The following MDN1 variants were observed in gnomAD, a reference collection of about 807,000 sequenced individuals.
MDN1 encodes the protein midasin AAA ATPase 1, also known as midasin.
A neutral mutation model predicts 669.2 loss-of-function variants in MDN1; 266 were observed. The ratio of observed to expected loss-of-function variants is 0.40; its 90% confidence interval spans 0.36 to 0.44. The LOEUF is 0.44. Ranked by LOEUF, MDN1 falls within the 20% of genes least tolerant of loss-of-function variation. MDN1 has a pLI of 1.00. For synonymous variants in MDN1, 2,385 were observed against 2,457.1 expected (o/e 0.97, Z 0.87); for missense variants, 5,940 against 6,754.0 (o/e 0.88, Z 4.22).
chr6:89,674,023 C>T, intron 79 of MDN1, 81 bp downstream of exon 79: 1 of 1,547,766 alleles, frequency 6.5e-7, no homozygotes, highest in Non-Finnish European at 8.7e-7. Flanking sequence ...TGTTCACACC[C>T]TTCCCTTCCC....
At position 89,715,699 on chromosome 6, in the gene MDN1, T is replaced by C. The variant is rs1296216035; in HGVS notation, c.6814A>G (p.Met2272Val). The C allele has an allele frequency of 4.3e-6, 7 of 1,613,436 alleles. No homozygotes were observed. The highest frequency in any genetic ancestry group is 3.3e-4 in the Middle Eastern group (2 of 6,062). ...GGVLTISERG[M>V]IDGSTPTITP... ...ATCGTGGGAGTGGATCCATCTATCA[T>C]TCCTCTCTCACTAATAGTGAGGACA... The change falls in exon 45 of 102, where the codon ATG becomes GTG. Residue 2272 changes from methionine to valine, a missense_variant. By Grantham distance (21) the Met-to-Val change is conservative (BLOSUM62 1). Coordinates refer to ENST00000369393, the MANE Select transcript of MDN1 (RefSeq NM_014611.3).
chr6:89,645,325 G>A (rs1370511219), intron 100 of MDN1, among the ~76,000 whole-genome samples, 168 bp from the exon 101 acceptor site: 2 of 152,204 alleles, frequency 1.3e-5, no homozygotes, highest in Non-Finnish European at 2.9e-5. Context: ...GACCTCTGAT[G>A]AGATCTATCC....
chr6:89,667,139 G>GT (rs1427801081), intron 84 of MDN1, among the ~76,000 whole-genome samples: 11 of 151,972 alleles, frequency 7.2e-5, no homozygotes, highest in Non-Finnish European at 1.5e-4. Flanking sequence ...TCCATGTAAT[G>GT]TTTTTTGTGT....
chr6:89,784,313 T>TA (rs969070714), intron 9 of MDN1, among the ~76,000 whole-genome samples: 4 of 151,140 alleles, frequency 2.6e-5, no homozygotes, highest in Non-Finnish European at 5.9e-5. Flanking sequence ...CGAAACTGTT[T>TA]AAAAAAAAAT....
At chr6:89,719,407 TGAAA>T (rs1434400702) in intron 40 of MDN1, among the ~76,000 whole-genome samples, 182 bp from the exon 41 acceptor site, 3 of 152,234 alleles carry the variant, frequency 2.0e-5, no homozygotes, top group Non-Finnish European at 2.9e-5. Context: ...TTCTTTGGAA[TGAAA>T]GTAAATTTGA....
chr6:89,691,059 T>C (rs187407943), intron 63 of MDN1, among the ~76,000 whole-genome samples: 32 of 152,274 alleles, frequency 2.1e-4, no homozygotes, highest in Non-Finnish European at 3.7e-4. Context: ...TGCTGTGTCA[T>C]TGTAATTTTG....
intron 53 of MDN1, among the ~76,000 whole-genome samples, chr6:89,702,994 G>A (rs1018031084): frequency 1.3e-5 from 2 of 151,110 alleles, no homozygotes; most frequent in African/African-American, 4.9e-5. Flanking sequence ...AGAGTGCAAT[G>A]GCGCAATCTC....
chr6:89,662,412 A>G (rs1276604298), intron 86 of MDN1, among the ~76,000 whole-genome samples, 173 bp from the exon 87 acceptor site: 1 of 152,212 alleles, frequency 6.6e-6, no homozygotes, highest in East Asian at 1.9e-4. Context: ...TGACAGCAGC[A>G]ATATTATTAA....
Position 89,776,539 on chromosome 6 carries a change from G to A in MDN1, c.1821+61C>T, listed in dbSNP as rs147031370. On this transcript the variant is annotated intron_variant, in intron 12 of 101. Coordinates refer to ENST00000369393, the MANE Select transcript of MDN1 (RefSeq NM_014611.3). ...CCAACTAAGGACTAGAGACCAGCAA[G>A]CAAGCAAGCAAAAAATCCTAGCCTC... 26 of 1,308,516 alleles carry A rather than the reference G, an allele frequency of 2.0e-5. No individual in the cohort carries two copies. In the East Asian group the frequency reaches 4.7e-4, roughly 24 times the overall value. 81.1% of individuals were successfully genotyped at this position (1,308,516 alleles called of 1,614,324 possible).
In MDN1 at chr6:89,715,757, C is replaced by T. The variant is rs1187672375; in HGVS notation, c.6756G>A (p.Leu2252=). Reference sequence around the variant, plus strand: ...GTTCAAGCAAAGCATTCAAACGATCCAACACTGATGGGCTGCAGAGACAGA... The same window carrying T: ...GTTCAAGCAAAGCATTCAAACGATCTAACACTGATGGGCTGCAGAGACAGA... ...DNVNFCNPSV[L]DRLNALLEPG... The change falls in exon 45 of 102, where the codon TTG becomes TTA. Residue 2252 remains leucine, a synonymous_variant. Coordinates refer to ENST00000369393, the MANE Select transcript of MDN1 (RefSeq NM_014611.3). The T allele has an allele frequency of 6.2e-7, 1 of 1,609,448 alleles. No individual in the cohort carries two copies. The highest frequency in any genetic ancestry group is 1.7e-5 in the Admixed American group (1 of 59,998).
rs545951349 is a variant in MDN1 at position 89,724,814 on chromosome 6, T to C, written c.5670+385A>G. 3.3e-4 allele frequency among the ~76,000 whole-genome samples: 50 copies of C among 152,306 alleles called. 2 individuals are homozygous for C. The South Asian group carries it at 9.5e-3, about 29-fold the overall frequency. ...GGGAATAGTGGATTTTTATTCTTCATAGTAGTTTTCTGTTCTTTCTTTTCT... is the reference window on the plus strand; with the variant it reads ...GGGAATAGTGGATTTTTATTCTTCACAGTAGTTTTCTGTTCTTTCTTTTCT... On this transcript the variant is annotated intron_variant, in intron 38 of 101. Coordinates refer to ENST00000369393, the MANE Select transcript of MDN1 (RefSeq NM_014611.3).
At position 89,683,587 on chromosome 6, in the gene MDN1, T is replaced by G. The variant is rs991358796; in HGVS notation, c.11903+244A>C. Reference sequence around the variant, plus strand: ...TTGCTCAAAGTATACAGCTAGTGGGTGGCAGAAGACTTGAGACATAGCCTG... The same window carrying G: ...TTGCTCAAAGTATACAGCTAGTGGGGGGCAGAAGACTTGAGACATAGCCTG... On this transcript the variant is annotated intron_variant, in intron 72 of 101. Transcript: ENST00000369393. Among the ~76,000 whole-genome samples the G allele has an allele frequency of 3.3e-5, 5 of 152,096 alleles. No individual in the cohort carries two copies. In the East Asian group the frequency reaches 9.6e-4, roughly 29 times the overall value.
intron 20 of MDN1, among the ~76,000 whole-genome samples, chr6:89,754,435 CCTAT>C (rs1252392446): frequency 6.6e-6 from 1 of 152,078 alleles, no homozygotes; most frequent in Non-Finnish European, 1.5e-5. Context: ...AAAATGAACA[CCTAT>C]CTATTTCCTT....
intron 2 of MDN1, among the ~76,000 whole-genome samples, chr6:89,802,112 G>C (rs1170414313): frequency 6.6e-6 from 1 of 152,212 alleles, no homozygotes; most frequent in East Asian, 1.9e-4. Flanking sequence ...TTTTTTATGA[G>C]ACAGAACTTT....
chr6:89,747,129 T>A (rs1187892528), intron 27 of MDN1, among the ~76,000 whole-genome samples, 200 bp downstream of exon 27: 1 of 152,138 alleles, frequency 6.6e-6, no homozygotes, highest in African/African-American at 2.4e-5. Context: ...TAAGAAAACC[T>A]TAGCAACCAG....
intron 74 of MDN1, 84 bp from the exon 75 acceptor site, chr6:89,678,829 A>T: frequency 7.0e-7 from 1 of 1,429,232 alleles, no homozygotes; most frequent in Non-Finnish European, 9.4e-7. Flanking sequence ...AACACCAGGG[A>T]CCTTCTGGAG....
chr6:89,719,277 T>G (rs529098479), intron 40 of MDN1, 52 bp from the exon 41 acceptor site: 1 of 1,454,420 alleles, frequency 6.9e-7, no homozygotes, highest in African/African-American at 1.4e-5. Context: ...ACCTAATTCT[T>G]AGGCAAACTT....
intron 15 of MDN1, among the ~76,000 whole-genome samples, chr6:89,770,744 T>C (rs1457777834): frequency 1.3e-5 from 2 of 152,074 alleles, no homozygotes; most frequent in Non-Finnish European, 2.9e-5. Context: ...CTCAAGTGAT[T>C]CACCCATCTA....
intron 1 of MDN1, among the ~76,000 whole-genome samples, chr6:89,806,960 C>G (rs967109623): frequency 6.6e-6 from 1 of 152,048 alleles, no homozygotes; most frequent in Admixed American, 6.6e-5. Context: ...CCCCAATAAT[C>G]TTAAATATAA....
Sources: allele counts gnomAD v4.1 joint callset (sites outside exome capture counted in the v4.1 genomes callset), GRCh38; gene constraint gnomAD v4.1.1; transcripts MANE v1.5; gene names NCBI Gene and HGNC (gene_info 2026-07-23, HGNC 2026-07-21).